The following GLIS3 variants were observed in gnomAD, a reference collection of about 807,000 sequenced individuals.
GLIS3 encodes the protein GLIS family zinc finger 3, also known as zinc finger protein GLIS3.
GLIS3 carries 53 observed loss-of-function variants against 78.6 expected under a neutral mutation model. That is an observed-to-expected ratio of 0.67 (90% CI 0.54 to 0.85). The LOEUF (loss-of-function observed/expected upper bound fraction) is 0.85, where lower values mean the gene tolerates loss of function less well. GLIS3 is among the 40% of genes least tolerant of loss of function. GLIS3 has a pLI of 0.00. For synonymous variants in GLIS3, 684 were observed against 509.9 expected, an observed-to-expected ratio of 1.34 and a Z score of -4.60; for missense variants, 1,703 against 1,231.1, an observed-to-expected ratio of 1.38 and a Z score of -5.74.
chr9:4,399,375 A>T, the GLIS3 span, among the ~76,000 whole-genome samples: 1 of 152,210 alleles, frequency 6.6e-6, no homozygotes, highest in Middle Eastern at 3.2e-3. Flanking sequence ...AAGCTCTTTT[A>T]TATGAATCAT....
chr9:4,363,567 T>C, the GLIS3 span, among the ~76,000 whole-genome samples: 2 of 152,200 alleles, frequency 1.3e-5, no homozygotes. Flanking sequence ...AATTTCAGTG[T>C]AGAAATTCTG....
In GLIS3 at chr9:3,828,077, A is replaced by C; in HGVS notation, c.*195T>G. 1.6e-6 allele frequency: 1 copy of C among 632,568 alleles called. No individual in the cohort carries two copies. Among genetic ancestry groups the C allele is most frequent in the South Asian group, 1.9e-5 (1 of 52,698 alleles). 39.2% of individuals were successfully genotyped at this position (632,568 alleles called of 1,614,324 possible). ...CACATAGTCCAGGAAAACCAGAGAG[A>C]AAAAGGAGCAACTGTAATGATTCCT... On this transcript the variant is annotated 3_prime_UTR_variant, in exon 11 of 11. Transcript: ENST00000381971.
At chr9:4,371,692 T>G in the GLIS3 span, among the ~76,000 whole-genome samples, 1 of 152,072 alleles carries the variant, frequency 6.6e-6, no homozygotes, top group South Asian at 2.1e-4. Context: ...TACTCACTAC[T>G]CCATTGTGGC....
At chr9:3,834,205 G>A (rs1377718617) in intron 9 of GLIS3, among the ~76,000 whole-genome samples, 3 of 152,018 alleles carry the variant, frequency 2.0e-5, no homozygotes, top group Non-Finnish European at 2.9e-5. Flanking sequence ...AAGAGTTCAC[G>A]GTCCCTTTTG....
chr9:4,486,531 T>C, the GLIS3 span, among the ~76,000 whole-genome samples: 3 of 152,208 alleles, frequency 2.0e-5, no homozygotes, highest in African/African-American at 2.4e-5. Context: ...CTCCAGATAG[T>C]ATATAAACTT....
chr9:4,351,515 TTCTC>T (rs1417141025), upstream of GLIS3, among the ~76,000 whole-genome samples: 4 of 150,176 alleles, frequency 2.7e-5, no homozygotes, highest in East Asian at 1.9e-4. Context: ...AAAAATATCT[TTCTC>T]TAAGAGTTCT....
intron 4 of GLIS3, among the ~76,000 whole-genome samples, chr9:4,039,416 A>G (rs1300527235): frequency 3.3e-5 from 5 of 152,136 alleles, no homozygotes; most frequent in Admixed American, 6.5e-5. Context: ...CTTCCAGACA[A>G]TGTATTTCCT....
rs1184198897 is a variant in GLIS3 at position 4,231,833 on chromosome 9, A to C, written c.388+54205T>G. ...TACTACTCACAGACCCATATGGGGA[A>C]TATTAAAGGATGTACTTCAAATGAA... On this transcript the variant is annotated intron_variant, in intron 2 of 10. Transcript: ENST00000381971. Among the ~76,000 whole-genome samples, 3 of 152,190 alleles carry C rather than the reference A, an allele frequency of 2.0e-5. No individual in the cohort carries two copies. In the East Asian group the frequency reaches 5.8e-4, roughly 29 times the overall value.
intron 2 of GLIS3, among the ~76,000 whole-genome samples, chr9:4,131,974 T>C (rs1005702994): frequency 1.3e-5 from 2 of 151,962 alleles, no homozygotes; most frequent in African/African-American, 4.8e-5. Flanking sequence ...CAAAACAAGA[T>C]AGTAAATAAT....
intron 4 of GLIS3, among the ~76,000 whole-genome samples, chr9:3,991,685 T>A (rs77077749): frequency 0.22 from 2,620 of 11,700 alleles, 39 homozygotes; most frequent in Non-Finnish European, 0.34. Context: ...GTAGGCTGAT[T>A]TTTTTTTTTT....
intron 2 of GLIS3, among the ~76,000 whole-genome samples, chr9:4,331,386 A>G (rs567898436): frequency 2.4e-4 from 20 of 84,502 alleles, no homozygotes; most frequent in Non-Finnish European, 6.0e-4. Context: ...AATTCCATCT[A>G]GACCCTATTC....
At chr9:4,426,678 C>T in the GLIS3 span, among the ~76,000 whole-genome samples, 98 of 152,308 alleles carry the variant, frequency 6.4e-4, no homozygotes, top group African/African-American at 2.2e-3. Context: ...ATATTTGAAC[C>T]TTTGAGGTCT....
At chr9:4,390,915 G>T in the GLIS3 span, among the ~76,000 whole-genome samples, 1 of 152,188 alleles carries the variant, frequency 6.6e-6, no homozygotes, top group Admixed American at 6.5e-5. Flanking sequence ...AAAAGTTAAT[G>T]CCCTTTCTTA....
At chr9:4,261,567 A>C (rs1294498354) in intron 2 of GLIS3, among the ~76,000 whole-genome samples, 1 of 152,170 alleles carries the variant, frequency 6.6e-6, no homozygotes, top group Non-Finnish European at 1.5e-5. Flanking sequence ...AGTAACAAAA[A>C]TGAAGTGACA....
intron 8 of GLIS3, among the ~76,000 whole-genome samples, chr9:3,877,190 T>C (rs1053617180): frequency 6.6e-6 from 1 of 152,178 alleles, no homozygotes; most frequent in African/African-American, 2.4e-5. Context: ...AATGTGATGA[T>C]GAAAAGTCCG....
chr9:4,360,323 A>C, the GLIS3 span, among the ~76,000 whole-genome samples: 2 of 152,204 alleles, frequency 1.3e-5, no homozygotes, highest in Non-Finnish European at 2.9e-5. Flanking sequence ...GGTCATTAGG[A>C]GAAAAACATG....
At chr9:4,066,558 T>C (rs983653000) in intron 4 of GLIS3, among the ~76,000 whole-genome samples, 1 of 152,208 alleles carries the variant, frequency 6.6e-6, no homozygotes, top group Non-Finnish European at 1.5e-5. Flanking sequence ...TGTAAAACTG[T>C]ACTAAAACTC....
At chr9:4,155,020 CTT>C (rs896188610) in intron 2 of GLIS3, among the ~76,000 whole-genome samples, 2 of 152,214 alleles carry the variant, frequency 1.3e-5, no homozygotes, top group African/African-American at 4.8e-5. Flanking sequence ...GACCATGAAA[CTT>C]TATTTAGAAT....
chr9:4,147,664 T>TCTC (rs1834332623), intron 2 of GLIS3: 1 of 151,734 alleles, frequency 6.6e-6, no homozygotes, highest in African/African-American at 2.4e-5. Flanking sequence ...AAACAATGAC[T>TCTC]CCCTTCAAGG....
Sources: allele counts gnomAD v4.1 joint callset (sites outside exome capture counted in the v4.1 genomes callset), GRCh38; gene constraint gnomAD v4.1.1; transcripts MANE v1.5; gene names NCBI Gene and HGNC (gene_info 2026-07-23, HGNC 2026-07-21).